CLYBL: variants seen among roughly 807,000 people sequenced by gnomAD.
The protein encoded by CLYBL is citramalyl-CoA lyase, also known as citramalyl-CoA lyase, mitochondrial.
CLYBL carries 31 observed loss-of-function variants against 38.9 expected under a neutral mutation model. That is an observed-to-expected ratio of 0.80 (90% CI 0.60 to 1.08). CLYBL has a LOEUF of 1.08. CLYBL is among the 50% of genes least tolerant of loss of function. The pLI is 0.00. For missense variants in CLYBL, 434 were observed against 411.6 expected, an observed-to-expected ratio of 1.05 and a Z score of -0.47; for synonymous variants, 171 against 158.6, an observed-to-expected ratio of 1.08 and a Z score of -0.59.
chr13:99,710,852 G>A (rs2139489823), intron 1 of CLYBL, among the ~76,000 whole-genome samples: 1 of 147,154 alleles, frequency 6.8e-6, no homozygotes, highest in African/African-American at 2.5e-5. Context: ...CTATCGACAA[G>A]TCTCCTGGCT....
chr13:99,817,670 AAAAG>A (rs759867532), intron 2 of CLYBL, among the ~76,000 whole-genome samples: 2,816 of 142,008 alleles, frequency 0.02, 65 homozygotes, highest in Admixed American at 0.038. Flanking sequence ...AAAAAAAAAA[AAAAG>A]AAAAGAAAAA....
intron 1 of CLYBL, among the ~76,000 whole-genome samples, chr13:99,657,729 T>G (rs1271399133): frequency 2.0e-5 from 3 of 152,208 alleles, no homozygotes; most frequent in Non-Finnish European, 4.4e-5. Flanking sequence ...TGCATACATT[T>G]TATACTGCAA....
intron 2 of CLYBL, among the ~76,000 whole-genome samples, chr13:99,839,229 G>T (rs567102127): frequency 6.6e-6 from 1 of 152,236 alleles, no homozygotes; most frequent in Non-Finnish European, 1.5e-5. Flanking sequence ...TCCAGAGCAG[G>T]GCAACTCAAG....
rs1267966866 is a variant in CLYBL, at chr13:99,734,303, G to T, written c.63-38521G>T. On this transcript the variant is annotated intron_variant, in intron 1 of 8. Transcript: ENST00000339105. Reference sequence around the variant, plus strand: ...ATTTTAAAGAGAGGATGAAATACTTGCTGTACTTCAAAACATAAAACCGAT... The same window carrying T: ...ATTTTAAAGAGAGGATGAAATACTTTCTGTACTTCAAAACATAAAACCGAT... Among the ~76,000 whole-genome samples, 4 of 152,028 alleles carry T rather than the reference G, an allele frequency of 2.6e-5. No individual in the cohort carries two copies. The East Asian group carries it at 7.7e-4, about 29-fold the overall frequency.
intron 1 of CLYBL, among the ~76,000 whole-genome samples, chr13:99,644,253 G>A (rs1282826405): frequency 6.6e-6 from 1 of 152,014 alleles, no homozygotes; most frequent in Non-Finnish European, 1.5e-5. Flanking sequence ...TATATGTGGT[G>A]TATGTATGTA....
rs370962281 is a variant in CLYBL at position 99,695,946 on chromosome 13, C to T, written c.63-76878C>T. On this transcript the variant is annotated intron_variant, in intron 1 of 8. Coordinates refer to ENST00000339105, the MANE Select transcript of CLYBL (RefSeq NM_206808.5). ...TCTCGATTTCTTTCAGTTTACAGTA[C>T]TCAGTAGGACAAGGTGCATATTTGG... 1.4e-4 allele frequency among the ~76,000 whole-genome samples: 21 copies of T among 152,306 alleles called. No homozygotes were observed. In the South Asian group the frequency reaches 1.4e-3, roughly 11 times the overall value.
intron 1 of CLYBL, among the ~76,000 whole-genome samples, chr13:99,641,350 C>CA (rs1277353525): frequency 6.6e-6 from 1 of 151,958 alleles, no homozygotes; most frequent in African/African-American, 2.4e-5. Context: ...TTTATTATAC[C>CA]AAAAAAATCA....
chr13:99,734,113 C>T (rs1476095496), intron 1 of CLYBL, among the ~76,000 whole-genome samples: 2 of 152,130 alleles, frequency 1.3e-5, no homozygotes, highest in African/African-American at 4.8e-5. Flanking sequence ...ATTTCTGATT[C>T]ATTTCTTCTG....
chr13:99,842,570 C>T (rs1169153707), intron 2 of CLYBL, among the ~76,000 whole-genome samples: 2 of 152,112 alleles, frequency 1.3e-5, no homozygotes, highest in Admixed American at 6.5e-5. Context: ...AATAAGCTAC[C>T]TTCCCAGTCC....
intron 1 of CLYBL, among the ~76,000 whole-genome samples, chr13:99,674,614 G>C (rs187505691): frequency 4.5e-4 from 68 of 152,188 alleles, no homozygotes; most frequent in African/African-American, 1.6e-3. Flanking sequence ...GTCACACCCC[G>C]TTTCCCCACG....
At chr13:99,694,009 C>T (rs554330839) in intron 1 of CLYBL, among the ~76,000 whole-genome samples, 9 of 152,292 alleles carry the variant, frequency 5.9e-5, no homozygotes, top group Non-Finnish European at 1.2e-4. Flanking sequence ...AGGTTCCCAG[C>T]AGCAGCTCGC....
At chr13:99,738,710 G>A (rs2048704880) in intron 1 of CLYBL, among the ~76,000 whole-genome samples, 1 of 152,130 alleles carries the variant, frequency 6.6e-6, no homozygotes, top group Admixed American at 6.5e-5. Flanking sequence ...GTATTCAAAT[G>A]TTTAGACTTT....
At chr13:99,730,365 G>A (rs78213037) in intron 1 of CLYBL, among the ~76,000 whole-genome samples, 3,050 of 152,320 alleles carry the variant, frequency 0.02, 120 homozygotes, top group African/African-American at 0.069. Flanking sequence ...GGTGCAGCAC[G>A]CTCATGGGGG....
intron 1 of CLYBL, among the ~76,000 whole-genome samples, chr13:99,718,202 C>CT (rs1207046823): frequency 6.6e-6 from 1 of 151,850 alleles, no homozygotes; most frequent in Non-Finnish European, 1.5e-5. Context: ...TACACCCTTC[C>CT]TAGGGGAATG....
At chr13:99,801,779 G>A (rs2050140801) in intron 2 of CLYBL, among the ~76,000 whole-genome samples, 1 of 152,184 alleles carries the variant, frequency 6.6e-6, no homozygotes, top group South Asian at 2.1e-4. Flanking sequence ...GACTTTGGGA[G>A]GCCGAGGCAG....
At chr13:99,678,794 T>A (rs542722917) in intron 1 of CLYBL, among the ~76,000 whole-genome samples, 29 of 152,248 alleles carry the variant, frequency 1.9e-4, no homozygotes, top group Non-Finnish European at 2.8e-4. Context: ...TATTTCAGTC[T>A]CCTGACATTT....
At position 99,849,766 on chromosome 13, in the gene CLYBL, G is replaced by A. The variant is rs560225833; in HGVS notation, c.250-9095G>A. Among the ~76,000 whole-genome samples the A allele has an allele frequency of 1.1e-3, 160 of 152,336 alleles. 1 individual carries two copies. The highest frequency in any genetic ancestry group is 1.7e-3 in the Non-Finnish European group (117 of 68,032). Reference sequence around the variant, plus strand: ...AAGGGCAAGGTAAAGAGGAGGAAGAGAGGGGAAGGTGACGGATAGGGCTAT... The same window carrying A: ...AAGGGCAAGGTAAAGAGGAGGAAGAAAGGGGAAGGTGACGGATAGGGCTAT... On this transcript the variant is annotated intron_variant, in intron 2 of 8. Coordinates refer to ENST00000339105, the MANE Select transcript of CLYBL (RefSeq NM_206808.5). This position sits in a 1 kb window ranked among gnomAD's most constrained non-coding sequence, Gnocchi z 4.9.
chr13:99,652,313 C>T (rs995192441), intron 1 of CLYBL, among the ~76,000 whole-genome samples: 3 of 152,200 alleles, frequency 2.0e-5, no homozygotes, highest in African/African-American at 7.2e-5. Flanking sequence ...AGTGACTGTT[C>T]ACCACAGGAC....
Position 99,863,030 on chromosome 13 carries a change from CTTGAACAACCA to C in CLYBL, c.479_489del (p.Leu160HisfsTer17). 1 of 1,611,372 alleles carries C rather than the reference CTTGAACAACCA, an allele frequency of 6.2e-7. No individual in the cohort carries two copies. The highest frequency in any genetic ancestry group is 1.7e-4 in the Middle Eastern group (1 of 6,048). On this transcript the variant is annotated frameshift_variant, in exon 4 of 9. Coordinates refer to ENST00000339105, the MANE Select transcript of CLYBL (RefSeq NM_206808.5). LOFTEE classifies it high-confidence loss of function. ...TTCATTCCACTTAAAAGGCCGAAAACTTGAACAACCAATGAATTTAATCCCTTTTGTGGAAA... is the reference window on the plus strand; with the variant it reads ...TTCATTCCACTTAAAAGGCCGAAAACATGAATTTAATCCCTTTTGTGGAAA...
Sources: allele counts gnomAD v4.1 joint callset (sites outside exome capture counted in the v4.1 genomes callset), GRCh38; gene constraint gnomAD v4.1.1; non-coding constraint Gnocchi (gnomAD v3.1); transcripts MANE v1.5; gene names NCBI Gene and HGNC (gene_info 2026-07-23, HGNC 2026-07-21).